The following PPP2R2B variants were observed in gnomAD, a reference collection of about 807,000 sequenced individuals.
PPP2R2B encodes the protein protein phosphatase 2 regulatory subunit Bbeta.
PPP2R2B carries 5 observed loss-of-function variants against 46.0 expected under a neutral mutation model. The observed-to-expected ratio is 0.11, with a 90% CI of 0.06 to 0.23. The LOEUF (loss-of-function observed/expected upper bound fraction) is 0.23. Among genes scored for constraint, PPP2R2B ranks in the 10% least tolerant of loss-of-function variants. The pLI, the probability that PPP2R2B is intolerant of heterozygous loss-of-function variation, is 1.00. For synonymous variants in PPP2R2B, 215 were observed against 206.7 expected (o/e 1.04, Z -0.34); for missense variants, 367 against 575.0 (o/e 0.64, Z 3.70).
Position 146,807,776 on chromosome 5 carries a change from C to CTTTTTTTTTTTTTTT in PPP2R2B, c.70+70211_70+70225dup, listed in dbSNP as rs10583721. Among the ~76,000 whole-genome samples the CTTTTTTTTTTTTTTT allele has an allele frequency of 6.2e-4, 23 of 36,930 alleles. 4 individuals are homozygous for CTTTTTTTTTTTTTTT. Among genetic ancestry groups the CTTTTTTTTTTTTTTT allele is most frequent in the South Asian group, 1.6e-3 (1 of 610 alleles). 24.2% of individuals were successfully genotyped at this position (36,930 alleles called of 152,430 possible). A position where few individuals can be genotyped will look rare whatever the true frequency, so the allele number is the denominator to read the frequency against. On this transcript the variant is annotated intron_variant, in intron 2 of 9. Transcript: ENST00000394411. The stretch of plus-strand genomic sequence containing the variant: ...TTGGTTAAACCTCCTGGGGTGCCTT[C>CTTTTTTTTTTTTTTT]TTTTTTTTTTTTTTTTTTTTTTTTT...
intron 2 of PPP2R2B, among the ~76,000 whole-genome samples, chr5:146,769,529 T>TC (rs1392379341): frequency 6.6e-6 from 1 of 152,226 alleles, no homozygotes; most frequent in East Asian, 1.9e-4. Flanking sequence ...GGATCAGCAA[T>TC]CATTGTTGAG....
At chr5:146,913,552 G>GT (rs547643494) in intron 1 of PPP2R2B, among the ~76,000 whole-genome samples, 74,116 of 149,334 alleles carry the variant, frequency 0.5, 20,463 homozygotes, top group African/African-American at 0.74. Context: ...CATTTTCAAT[G>GT]TTTTTTTTTT....
intron 2 of PPP2R2B, among the ~76,000 whole-genome samples, chr5:146,787,188 A>G (rs1422435969): frequency 2.0e-5 from 3 of 152,150 alleles, no homozygotes; most frequent in Non-Finnish European, 4.4e-5. Flanking sequence ...CTCAGATGCC[A>G]GGCAGATAAT....
At chr5:146,709,678 A>G (rs1226358607) in intron 2 of PPP2R2B, among the ~76,000 whole-genome samples, 2 of 152,212 alleles carry the variant, frequency 1.3e-5, no homozygotes, top group Non-Finnish European at 2.9e-5. Flanking sequence ...TGTGGCAGCC[A>G]TCATGTGACC....
At chr5:147,019,743 A>G (rs985880864) in intron 1 of PPP2R2B, among the ~76,000 whole-genome samples, 3 of 152,196 alleles carry the variant, frequency 2.0e-5, no homozygotes, top group African/African-American at 7.2e-5. Context: ...ATGTGACCTG[A>G]ATACCTACTC....
chr5:146,827,214 G>A (rs1335020525), intron 2 of PPP2R2B, among the ~76,000 whole-genome samples: 2 of 152,122 alleles, frequency 1.3e-5, no homozygotes, highest in Non-Finnish European at 2.9e-5. Flanking sequence ...CAGGGAATTA[G>A]GAGAAATTTT....
At chr5:146,890,565 TA>T (rs1455298947) in intron 1 of PPP2R2B, among the ~76,000 whole-genome samples, 1 of 152,212 alleles carries the variant, frequency 6.6e-6, no homozygotes, top group Admixed American at 6.5e-5. Context: ...ATTACTGTAC[TA>T]GTGTGATAAG....
rs562091519 is a variant in PPP2R2B at position 146,775,937 on chromosome 5, G to A, written c.71-74795C>T. Among the ~76,000 whole-genome samples the A allele has an allele frequency of 2.0e-5, 3 of 152,054 alleles. 1 individual carries two copies. Among genetic ancestry groups the A allele is most frequent in the Non-Finnish European group, 4.4e-5 (3 of 67,950 alleles). The stretch of plus-strand genomic sequence containing the variant: ...ATTTAACTAAGGAGGTACAAGACTT[G>A]TACACTGAAAACTACAAAACATTGC... On this transcript the variant is annotated intron_variant, in intron 2 of 9. Coordinates refer to ENST00000394411, the MANE Select transcript of PPP2R2B (RefSeq NM_181675.4).
chr5:147,037,156 A>AG (rs891773412), intron 1 of PPP2R2B, among the ~76,000 whole-genome samples: 105 of 8,990 alleles, frequency 0.012, no homozygotes, highest in African/African-American at 0.035. Flanking sequence ...CAGTAGCTTC[A>AG]GGGAAAAAAA....
At chr5:146,833,838 C>T (rs922119240) in intron 2 of PPP2R2B, among the ~76,000 whole-genome samples, 1 of 149,640 alleles carries the variant, frequency 6.7e-6, no homozygotes, top group Non-Finnish European at 1.5e-5. Flanking sequence ...TAGTTGGCAT[C>T]CCCCAAAATC....
rs574786487 is a variant in PPP2R2B at position 147,078,378 on chromosome 5, C to T, written c.50+2681G>A. Among the ~76,000 whole-genome samples, 11 of 152,192 alleles carry T rather than the reference C, an allele frequency of 7.2e-5. No individual in the cohort carries two copies. The East Asian group carries it at 9.7e-4, about 13-fold the overall frequency. ...ATAATTGATGGGAAGCCAGTCACAA[C>T]GACAAGATTTAAGTGCAGAGTAAGA... On this transcript the variant is annotated intron_variant, in intron 2 of 10. Transcript: ENST00000394413.
rs1005149693 is a variant in PPP2R2B, at chr5:146,706,577, G to A, written c.71-5435C>T. On this transcript the variant is annotated intron_variant, in intron 2 of 9. Transcript: ENST00000394411. ...CGGCCTCCAGCTCGGACAGCTTAGC[G>A]TTGGCATCCTTAATGACCAGCTCCC... is the stretch of plus-strand genomic sequence containing the variant. The A allele has an allele frequency of 1.7e-5, 15 of 884,200 alleles. No individual in the cohort carries two copies. The African/African-American group carries it at 2.0e-4, about 12-fold the overall frequency. 54.8% of individuals were successfully genotyped at this position (884,200 alleles called of 1,614,324 possible). A position where few individuals can be genotyped will look rare whatever the true frequency, so the allele number is the denominator to read the frequency against.
chr5:146,776,742 A>T (rs537750073), intron 2 of PPP2R2B, among the ~76,000 whole-genome samples: 1 of 152,216 alleles, frequency 6.6e-6, no homozygotes, highest in South Asian at 2.1e-4. Flanking sequence ...TTTGCAAATC[A>T]TACATTTGGT....
intron 1 of PPP2R2B, among the ~76,000 whole-genome samples, chr5:146,891,132 T>C (rs549573724): frequency 7.2e-5 from 11 of 152,104 alleles, no homozygotes; most frequent in Non-Finnish European, 1.0e-4. Flanking sequence ...CAGATGTGAG[T>C]CTCCTTTCTA....
chr5:146,793,272 T>A (rs1395120577), intron 2 of PPP2R2B, among the ~76,000 whole-genome samples: 1 of 152,140 alleles, frequency 6.6e-6, no homozygotes, highest in Non-Finnish European at 1.5e-5. Flanking sequence ...TGATCAGAAG[T>A]TCAGTCGGAA....
intron 1 of PPP2R2B, among the ~76,000 whole-genome samples, chr5:146,943,803 A>G (rs1764397982): frequency 6.6e-6 from 1 of 152,240 alleles, no homozygotes; most frequent in East Asian, 1.9e-4. Context: ...TTCAGATAAA[A>G]TGAAGACAAT....
chr5:146,722,134 T>G (rs1780842901), intron 2 of PPP2R2B, among the ~76,000 whole-genome samples: 3 of 152,234 alleles, frequency 2.0e-5, no homozygotes, highest in South Asian at 4.1e-4. Context: ...GCAGTCTAAC[T>G]TGAGAGCTTT....
rs1247801391 is a variant in PPP2R2B, at chr5:146,673,468, T to C, written c.447+17660A>G. ...GGGTTTGTTTTTATCTAAGGAAAAG[T>C]AACCTATTTAGAAGATTTTTTTTTT... On this transcript the variant is annotated intron_variant, in intron 5 of 9. Coordinates refer to ENST00000394411, the MANE Select transcript of PPP2R2B (RefSeq NM_181675.4). Among the ~76,000 whole-genome samples the C allele has an allele frequency of 1.5e-4, 16 of 106,828 alleles. No individual in the cohort carries two copies. In the Admixed American group the frequency reaches 1.8e-3, roughly 12 times the overall value. 70.1% of individuals were successfully genotyped at this position (106,828 alleles called of 152,430 possible).
At chr5:146,670,966 C>A (rs1248411905) in intron 5 of PPP2R2B, among the ~76,000 whole-genome samples, 2 of 151,992 alleles carry the variant, frequency 1.3e-5, no homozygotes, top group Non-Finnish European at 2.9e-5. Flanking sequence ...CAGATAGAGT[C>A]ATCTGAAAAG....
Sources: allele counts gnomAD v4.1 joint callset (sites outside exome capture counted in the v4.1 genomes callset), GRCh38; gene constraint gnomAD v4.1.1; transcripts MANE v1.5; gene names NCBI Gene and HGNC (gene_info 2026-07-23, HGNC 2026-07-21).